The following WFDC8 variants were observed in gnomAD, a reference collection of about 807,000 sequenced individuals.
The protein encoded by WFDC8 is WAP four-disulfide core domain 8.
WFDC8 carries 24 observed loss-of-function variants against 27.0 expected under a neutral mutation model. The observed-to-expected ratio is 0.89, with a 90% CI of 0.64 to 1.25. The LOEUF (loss-of-function observed/expected upper bound fraction) is 1.25, where lower values mean the gene tolerates loss of function less well. WFDC8 is among the 50% of genes most tolerant of loss of function. WFDC8 has a pLI of 0.00. For synonymous variants in WFDC8, 106 were observed against 99.7 expected (o/e 1.06, Z -0.38); for missense variants, 287 against 295.9 (o/e 0.97, Z 0.22).
chr20:45,574,672 C>T (rs1980984684), intron 1 of WFDC8, among the ~76,000 whole-genome samples: 2 of 152,146 alleles, frequency 1.3e-5, no homozygotes. Flanking sequence ...GTGACACATC[C>T]CCATAATCCC....
intron 3 of WFDC8, 148 bp from the exon 4 acceptor site, chr20:45,556,016 G>T: frequency 2.8e-6 from 2 of 724,712 alleles, no homozygotes; most frequent in South Asian, 3.9e-5. Flanking sequence ...ATAGGTTCTG[G>T]TCCCAGTTCT....
intron 3 of WFDC8, among the ~76,000 whole-genome samples, chr20:45,556,389 G>T (rs112780672): frequency 1.3e-5 from 2 of 151,852 alleles, no homozygotes; most frequent in Non-Finnish European, 2.9e-5. Context: ...AAGCAAATTC[G>T]AGTGATTTTC....
chr20:45,557,304 T>A (rs1025021862), intron 3 of WFDC8, among the ~76,000 whole-genome samples: 1 of 152,220 alleles, frequency 6.6e-6, no homozygotes, highest in African/African-American at 2.4e-5. Context: ...TTCCAAGAGT[T>A]CATCAAATCC....
chr20:45,556,234 A>G (rs1436396945), intron 3 of WFDC8, among the ~76,000 whole-genome samples: 1 of 152,232 alleles, frequency 6.6e-6, no homozygotes, highest in Non-Finnish European at 1.5e-5. Context: ...TTGCCATTTG[A>G]TATTAGAATA....
At chr20:45,566,619 C>T (rs1980687447) in intron 1 of WFDC8, among the ~76,000 whole-genome samples, 2 of 152,032 alleles carry the variant, frequency 1.3e-5, no homozygotes. Context: ...GCCAGGATTG[C>T]ACCACTGCAC....
intron 1 of WFDC8, among the ~76,000 whole-genome samples, chr20:45,565,795 T>C (rs899882794): frequency 6.6e-6 from 1 of 152,176 alleles, no homozygotes; most frequent in African/African-American, 2.4e-5. Flanking sequence ...GATTAAGACA[T>C]TGATTTGAAT....
At chr20:45,577,467 C>T (rs1207879742) in intron 1 of WFDC8, among the ~76,000 whole-genome samples, 3 of 149,626 alleles carry the variant, frequency 2.0e-5, no homozygotes, top group Admixed American at 6.6e-5. Context: ...AGTGCGATCT[C>T]GGCTCGCTGC....
intron 1 of WFDC8, among the ~76,000 whole-genome samples, chr20:45,576,321 G>A (rs1981044686): frequency 6.6e-6 from 1 of 151,004 alleles, no homozygotes; most frequent in Admixed American, 6.6e-5. Context: ...AAATACAAAT[G>A]TATTCCTGGT....
chr20:45,556,333 GTTTAA>G (rs1406357234), intron 3 of WFDC8, among the ~76,000 whole-genome samples: 2 of 152,284 alleles, frequency 1.3e-5, no homozygotes, highest in African/African-American at 4.8e-5. Flanking sequence ...ATTATTTGCT[GTTTAA>G]TTTATATTTA....
chr20:45,560,501 G>T (rs1440086064), intron 2 of WFDC8, among the ~76,000 whole-genome samples: 2 of 152,178 alleles, frequency 1.3e-5, no homozygotes, highest in Non-Finnish European at 2.9e-5. Context: ...ATTCTAAACT[G>T]AGCATCCCTC....
chr20:45,558,614 G>C (rs970429403), intron 3 of WFDC8, among the ~76,000 whole-genome samples: 1 of 152,192 alleles, frequency 6.6e-6, no homozygotes, highest in African/African-American at 2.4e-5. Flanking sequence ...CATGCAACAA[G>C]TATTAGTTAT....
At chr20:45,552,286 C>A in intron 5 of WFDC8, 121 bp from the exon 6 acceptor site, 1 of 1,201,412 alleles carries the variant, frequency 8.3e-7, no homozygotes, top group Non-Finnish European at 1.2e-6. Context: ...TACCTTTCCC[C>A]CTACAGTAAC....
Position 45,551,948 on chromosome 20 carries a change from A to T in WFDC8, c.*78T>A. On this transcript the variant is annotated 3_prime_UTR_variant, in exon 6 of 6. Transcript: ENST00000289953. Reference sequence around the variant, plus strand: ...TACTTAAGATAATTTGGCAAGTTGGATACAAGACAAAACTGACAGCTCTTT... The same window carrying T: ...TACTTAAGATAATTTGGCAAGTTGGTTACAAGACAAAACTGACAGCTCTTT... 1 of 1,543,164 alleles carries T rather than the reference A, an allele frequency of 6.5e-7. No individual in the cohort carries two copies. The highest frequency in any genetic ancestry group is 1.2e-5 in the South Asian group (1 of 81,830).
chr20:45,555,993 G>GAAA, intron 3 of WFDC8, 125 bp from the exon 4 acceptor site: 2 of 891,256 alleles, frequency 2.2e-6, no homozygotes, highest in Non-Finnish European at 3.3e-6. Context: ...CATGGCAGGG[G>GAAA]AAAAAAAAAG....
rs997535000 is a variant in WFDC8, at chr20:45,568,687, A to T, written c.27-6468T>A. On this transcript the variant is annotated intron_variant, in intron 1 of 5. Transcript: ENST00000289953. The stretch of plus-strand genomic sequence containing the variant: ...GGACAGATAGCAGGTGAACCACAAA[A>T]GTCACCACTGCCATGCTGATCACAG... 5 of 536,756 alleles carry T rather than the reference A, an allele frequency of 9.3e-6. No homozygotes were observed. In the African/African-American group the frequency reaches 9.6e-5, roughly 10 times the overall value. 33.2% of individuals were successfully genotyped at this position (536,756 alleles called of 1,614,324 possible).
chr20:45,568,732 T>A, intron 1 of WFDC8: 1 of 522,068 alleles, frequency 1.9e-6, no homozygotes, highest in East Asian at 4.9e-5. Flanking sequence ...GAGCAGATGG[T>A]GACCCATGCA....
At chr20:45,556,241 A>G (rs1364661973) in intron 3 of WFDC8, among the ~76,000 whole-genome samples, 1 of 152,234 alleles carries the variant, frequency 6.6e-6, no homozygotes, top group African/African-American at 2.4e-5. Flanking sequence ...TTGATATTAG[A>G]ATACATTCTT....
At chr20:45,552,450 C>T (rs187702512) in intron 5 of WFDC8, among the ~76,000 whole-genome samples, 13 of 152,282 alleles carry the variant, frequency 8.5e-5, no homozygotes, top group African/African-American at 2.9e-4. Context: ...CCCAGAGTAC[C>T]ACAGGTGGCA....
chr20:45,553,108 A>C lies in WFDC8; in HGVS notation c.586+28T>G, dbSNP rs774047234. On this transcript the variant is annotated intron_variant, in intron 5 of 5. Coordinates refer to ENST00000289953, the MANE Select transcript of WFDC8 (RefSeq NM_130896.3). ...GACATCCTTGGCACATGCCCAATAGATTTGGGAGGTATATCCCCAATCCTT... is the reference window on the plus strand; with the variant it reads ...GACATCCTTGGCACATGCCCAATAGCTTTGGGAGGTATATCCCCAATCCTT... 12 of 1,599,666 alleles carry C rather than the reference A, an allele frequency of 7.5e-6. No individual in the cohort carries two copies. The South Asian group carries it at 1.4e-4, about 18-fold the overall frequency.
Sources: gnomAD v4.1 joint callset for allele counts (sites outside exome capture counted in the v4.1 genomes callset) on GRCh38, gnomAD v4.1.1 for gene constraint, MANE v1.5 for transcripts, NCBI Gene and HGNC (gene_info 2026-07-23, HGNC 2026-07-21) for gene names.